Variants in CLVS2 observed in about 807,000 individuals in gnomAD.
CLVS2 encodes the protein clavesin 2.
A neutral mutation model predicts 29.0 loss-of-function variants in CLVS2; 19 were observed. That is an observed-to-expected ratio of 0.66 (90% CI 0.46 to 0.96). The LOEUF (loss-of-function observed/expected upper bound fraction) is 0.96. Ranked by LOEUF, CLVS2 falls within the 40% of genes least tolerant of loss-of-function variation. CLVS2 has a pLI of 0.00. For missense variants in CLVS2, 294 were observed against 404.1 expected (o/e 0.73, Z 2.34); for synonymous variants, 161 against 151.3 (o/e 1.06, Z -0.47).
chr6:123,019,279 G>C (rs1404738321), intron 3 of CLVS2, among the ~76,000 whole-genome samples: 1 of 152,058 alleles, frequency 6.6e-6, no homozygotes, highest in Non-Finnish European at 1.5e-5. Context: ...CTTTCACAAT[G>C]ATGACCCTCT....
intron 3 of CLVS2, among the ~76,000 whole-genome samples, chr6:123,029,222 A>T (rs1311068917): frequency 2.0e-5 from 3 of 152,148 alleles, no homozygotes; most frequent in Non-Finnish European, 2.9e-5. Flanking sequence ...AAAAGTAATC[A>T]CTCCACTTGT....
At chr6:123,014,906 T>G (rs1432257344) in intron 3 of CLVS2, among the ~76,000 whole-genome samples, 1 of 152,110 alleles carries the variant, frequency 6.6e-6, no homozygotes, top group Admixed American at 6.6e-5. Context: ...TACATTTTCA[T>G]GTTAGAAGCA....
chr6:123,003,143 T>C (rs1774614869), intron 2 of CLVS2, among the ~76,000 whole-genome samples: 1 of 152,192 alleles, frequency 6.6e-6, no homozygotes, highest in African/African-American at 2.4e-5. Context: ...AATTATGCAA[T>C]AATTAGTAAA....
chr6:123,047,132 A>G (rs760563833), intron 3 of CLVS2, among the ~76,000 whole-genome samples: 10 of 152,130 alleles, frequency 6.6e-5, no homozygotes, highest in Non-Finnish European at 1.3e-4. Flanking sequence ...CTGGCCAGGA[A>G]ACCTGTAAGG....
chr6:123,072,570 G>T lies in CLVS2; in HGVS notation c.*8809G>T, dbSNP rs1187902962. ...TACAGTGGAAACCATTTCCCTCTGT[G>T]ATATCCTTTTTTGCCAACCTATATG... On this transcript the variant is annotated 3_prime_UTR_variant, in exon 6 of 6. Transcript: ENST00000275162. 6.6e-6 allele frequency: 1 copy of T among 152,004 alleles called. No individual in the cohort carries two copies. The highest frequency in any genetic ancestry group is 2.1e-4 in the South Asian group (1 of 4,834). 9.4% of individuals were successfully genotyped at this position (152,004 alleles called of 1,614,324 possible). A position where few individuals can be genotyped will look rare whatever the true frequency, so the allele number is the denominator to read the frequency against.
chr6:123,060,699 CG>C lies in CLVS2; in HGVS notation c.897-2971del, dbSNP rs1295150458. 3.3e-5 allele frequency among the ~76,000 whole-genome samples: 5 copies of C among 152,188 alleles called. No individual in the cohort carries two copies. The East Asian group carries it at 9.7e-4, about 29-fold the overall frequency. Reference sequence around the variant, plus strand: ...ATTAACCATATGCCAGAATTTGTGCCGGGGTTTATGGATGCATTGTTGCATC... The same window carrying C: ...ATTAACCATATGCCAGAATTTGTGCCGGGTTTATGGATGCATTGTTGCATC... On this transcript the variant is annotated intron_variant, in intron 5 of 5. Coordinates refer to ENST00000275162, the MANE Select transcript of CLVS2 (RefSeq NM_001010852.4).
chr6:123,000,922 T>C (rs1264049531), intron 2 of CLVS2, among the ~76,000 whole-genome samples: 2 of 152,222 alleles, frequency 1.3e-5, no homozygotes, highest in Non-Finnish European at 2.9e-5. Context: ...CTCAGTTTAT[T>C]TGGAAAACAG....
At chr6:123,011,528 C>A (rs1366081307) in intron 3 of CLVS2, among the ~76,000 whole-genome samples, 1 of 151,804 alleles carries the variant, frequency 6.6e-6, no homozygotes. Context: ...TTTCATTTAA[C>A]CTGGTGAATT....
rs1284618001 is a variant in CLVS2, at chr6:123,066,190, C to G, written c.*2429C>G. 1.3e-5 allele frequency: 2 copies of G among 151,710 alleles called. No individual in the cohort carries two copies. Among genetic ancestry groups the G allele is most frequent in the African/African-American group, 4.8e-5 (2 of 41,390 alleles). The allele number at this position is 151,710 out of a possible 1,614,324, so 9.4% of individuals were successfully genotyped here. A position where few individuals can be genotyped will look rare whatever the true frequency, so the allele number is the denominator to read the frequency against. ...TTCATTCAACTTTATAAATTTACCC[C>G]TCAGCACCAGCTATCTAGCACTGTT... On this transcript the variant is annotated 3_prime_UTR_variant, in exon 6 of 6. Coordinates refer to ENST00000275162, the MANE Select transcript of CLVS2 (RefSeq NM_001010852.4).
chr6:123,069,924 T>C lies in CLVS2; in HGVS notation c.*6163T>C, dbSNP rs1366167868. 1 of 151,866 alleles carries C rather than the reference T, an allele frequency of 6.6e-6. No homozygotes were observed. The highest frequency in any genetic ancestry group is 1.5e-5 in the Non-Finnish European group (1 of 67,872). 9.4% of individuals were successfully genotyped at this position (151,866 alleles called of 1,614,324 possible). A position where few individuals can be genotyped will look rare whatever the true frequency, so the allele number is the denominator to read the frequency against. On this transcript the variant is annotated 3_prime_UTR_variant, in exon 6 of 6. Coordinates refer to ENST00000275162, the MANE Select transcript of CLVS2 (RefSeq NM_001010852.4). ...TTTTCTAATTGGCATCATAAAAGTATAAGAAGCCACAAATGCATTGTTGCC... is the reference window on the plus strand; with the variant it reads ...TTTTCTAATTGGCATCATAAAAGTACAAGAAGCCACAAATGCATTGTTGCC...
intron 3 of CLVS2, among the ~76,000 whole-genome samples, chr6:123,020,635 T>C (rs913538238): frequency 1.3e-5 from 2 of 152,078 alleles, no homozygotes; most frequent in African/African-American, 4.8e-5. Flanking sequence ...GGATTCACCA[T>C]ATTATCAAGA....
Position 123,055,914 on chromosome 6 carries a change from G to T in CLVS2, c.784G>T (p.Ala262Ser). 6.2e-7 allele frequency: 1 copy of T among 1,613,736 alleles called. No individual in the cohort carries two copies. Among genetic ancestry groups the T allele is most frequent in the Non-Finnish European group, 8.5e-7 (1 of 1,179,686 alleles). ...GCCTCCTTATGACATGGGGACATGG[G>T]CAAGAACACTGCTAGACCATGAATA... ...MLPPYDMGTWARTLLDHEYDD... is the reference protein window; with the variant it reads ...MLPPYDMGTWSRTLLDHEYDD... The change falls in exon 5 of 6, where the codon GCA becomes TCA. Residue 262 changes from alanine (A) to serine (S), a missense_variant. Ala to Ser is a moderately conservative substitution (Grantham distance 99). Coordinates refer to ENST00000275162, the MANE Select transcript of CLVS2 (RefSeq NM_001010852.4).
intron 3 of CLVS2, among the ~76,000 whole-genome samples, chr6:123,040,879 TAC>T (rs1775220171): frequency 6.6e-6 from 1 of 152,194 alleles, no homozygotes; most frequent in African/African-American, 2.4e-5. Flanking sequence ...GGACTATTCA[TAC>T]AGTTTTTTTC....
At position 122,997,529 on chromosome 6, in the gene CLVS2, C is replaced by A; in HGVS notation, c.-249C>A. 1 of 545,752 alleles carries A rather than the reference C, an allele frequency of 1.8e-6. No homozygotes were observed. Among genetic ancestry groups the A allele is most frequent in the Non-Finnish European group, 3.3e-6 (1 of 298,744 alleles). 33.8% of individuals were successfully genotyped at this position (545,752 alleles called of 1,614,324 possible). Reference sequence around the variant, plus strand: ...TCTTTAAAGGAAAGGAAAGAGGGAGCCAAAGTAGGGTGTTGTATTTTAGGG... The same window carrying A: ...TCTTTAAAGGAAAGGAAAGAGGGAGACAAAGTAGGGTGTTGTATTTTAGGG... On this transcript the variant is annotated 5_prime_UTR_variant, in exon 2 of 6. Coordinates refer to ENST00000275162, the MANE Select transcript of CLVS2 (RefSeq NM_001010852.4).
rs550208621 is a variant in CLVS2, at chr6:123,049,296, G to C, written c.675+564G>C. Among the ~76,000 whole-genome samples, 3 of 152,140 alleles carry C rather than the reference G, an allele frequency of 2.0e-5. No individual in the cohort carries two copies. The South Asian group carries it at 6.2e-4, about 32-fold the overall frequency. On this transcript the variant is annotated intron_variant, in intron 4 of 5. Coordinates refer to ENST00000275162, the MANE Select transcript of CLVS2 (RefSeq NM_001010852.4). ...TAATCTAACAATGAGGATAGTCAAAGTGCATAAAACAAAATAATTTTTCTG... is the reference window on the plus strand; with the variant it reads ...TAATCTAACAATGAGGATAGTCAAACTGCATAAAACAAAATAATTTTTCTG...
At chr6:123,030,214 TC>T (rs1179050294) in intron 3 of CLVS2, among the ~76,000 whole-genome samples, 1 of 152,202 alleles carries the variant, frequency 6.6e-6, no homozygotes, top group Non-Finnish European at 1.5e-5. Context: ...TAAATTTAGT[TC>T]TTTTTTTGTT....
At position 123,072,621 on chromosome 6, in the gene CLVS2, T is replaced by A. The variant is rs1312531456; in HGVS notation, c.*8860T>A. On this transcript the variant is annotated 3_prime_UTR_variant, in exon 6 of 6. Transcript: ENST00000275162. ...AATGTGTTTAGCGTCACTTCAGATA[T>A]AGAGTTCAAGCTCAAGTATACACAG... The A allele has an allele frequency of 6.6e-6, 1 of 152,112 alleles. No individual in the cohort carries two copies. Among genetic ancestry groups the A allele is most frequent in the Non-Finnish European group, 1.5e-5 (1 of 67,972 alleles). The allele number at this position is 152,112 out of a possible 1,614,324, so 9.4% of individuals were successfully genotyped here.
Position 123,065,515 on chromosome 6 carries a change from A to T in CLVS2, c.*1754A>T, listed in dbSNP as rs9490643. The T allele has an allele frequency of 0.1, 15,697 of 151,806 alleles. 993 individuals carry two copies. Among genetic ancestry groups the T allele is most frequent in the African/African-American group, 0.16 (6,650 of 41,470 alleles). 9.4% of individuals were successfully genotyped at this position (151,806 alleles called of 1,614,324 possible). A position where few individuals can be genotyped will look rare whatever the true frequency, so the allele number is the denominator to read the frequency against. ...AATGAAAGATACCTTAATAATGCCA[A>T]CCTCCAGTCAAGTGCAGAAGAATAA... On this transcript the variant is annotated 3_prime_UTR_variant, in exon 6 of 6. Transcript: ENST00000275162.
chr6:123,015,596 C>G (rs1774820275), intron 3 of CLVS2, among the ~76,000 whole-genome samples: 1 of 152,016 alleles, frequency 6.6e-6, no homozygotes, highest in Non-Finnish European at 1.5e-5. Context: ...AGGCTCAGAT[C>G]AAAGTAACTT....
Sources: gnomAD v4.1 joint callset for allele counts (sites outside exome capture counted in the v4.1 genomes callset) on GRCh38, gnomAD v4.1.1 for gene constraint, MANE v1.5 for transcripts, NCBI Gene and HGNC (gene_info 2026-07-23, HGNC 2026-07-21) for gene names.